The following AASDH variants were observed in gnomAD, a reference collection of about 807,000 sequenced individuals.
AASDH encodes the protein beta-alanine-activating enzyme.
A neutral mutation model predicts 102.3 loss-of-function variants in AASDH; 81 were observed. The observed-to-expected ratio is 0.79, with a 90% confidence interval of 0.66 to 0.95. AASDH has a LOEUF of 0.95. Ranked by LOEUF, AASDH falls within the 40% of genes least tolerant of loss-of-function variation. The pLI is 0.00. For synonymous variants in AASDH, 398 were observed against 454.0 expected, an observed-to-expected ratio of 0.88 and a Z score of 1.57; for missense variants, 1,203 against 1,266.2, an observed-to-expected ratio of 0.95 and a Z score of 0.76.
chr4:56,362,752 G>A (rs1473582928), intron 5 of AASDH, among the ~76,000 whole-genome samples: 1 of 152,114 alleles, frequency 6.6e-6, no homozygotes, highest in Non-Finnish European at 1.5e-5. Context: ...ATGAACCCTG[G>A]GGGTGGAGCC....
intron 2 of AASDH, among the ~76,000 whole-genome samples, chr4:56,383,442 T>C (rs1215379597): frequency 1.3e-5 from 2 of 152,166 alleles, no homozygotes; most frequent in Non-Finnish European, 2.9e-5. Context: ...GAACATCTTT[T>C]GCTTTATATT....
At chr4:56,366,620 C>T (rs1256437737) in intron 5 of AASDH, among the ~76,000 whole-genome samples, 2 of 151,780 alleles carry the variant, frequency 1.3e-5, no homozygotes, top group African/African-American at 4.8e-5. Context: ...AGACAAAAAC[C>T]ACATGATTAT....
At chr4:56,353,334 T>C in intron 9 of AASDH, 70 bp downstream of exon 9, 1 of 1,242,092 alleles carries the variant, frequency 8.1e-7, no homozygotes, top group Non-Finnish European at 1.1e-6. Context: ...ATTTATGTTA[T>C]CATTAAGCTA....
At chr4:56,387,182 TAC>T (rs2110025452) in intron 1 of AASDH, among the ~76,000 whole-genome samples, 178 bp downstream of exon 1, 1 of 152,256 alleles carries the variant, frequency 6.6e-6, no homozygotes, top group African/African-American at 2.4e-5. Flanking sequence ...CGCAGGAGTG[TAC>T]ACACAGGTCA....
chr4:56,356,870 T>A (rs890839502), intron 5 of AASDH: 3 of 964,406 alleles, frequency 3.1e-6, no homozygotes, highest in South Asian at 1.3e-5. Flanking sequence ...CCCAAGTCTG[T>A]GGCTCGCATC....
In AASDH at chr4:56,378,322, T is replaced by G. The variant is rs1161548414; in HGVS notation, c.494A>C (p.Glu165Ala). The change falls in exon 4 of 15, where the codon GAA (glutamate) becomes GCA (alanine). Residue 165 changes from glutamate (E) to alanine (A), a missense_variant. Glu to Ala is a moderately radical substitution (Grantham distance 107). Transcript: ENST00000205214. ...CTCAGAACTTATGCTTTTTATTTTT[T>G]CTTTTTCATATTTCTCTTTTCCATC... is the stretch of plus-strand genomic sequence containing the variant. ...LNDGKEKYEK[E>A]KIKSISSEHV... The G allele has an allele frequency of 6.2e-7, 1 of 1,614,184 alleles. No homozygotes were observed. The highest frequency in any genetic ancestry group is 1.6e-4 in the Middle Eastern group (1 of 6,062).
chr4:56,378,492 A>G (rs1752609581), intron 3 of AASDH, 28 bp from the exon 4 acceptor site: 6 of 1,493,086 alleles, frequency 4.0e-6, no homozygotes, highest in African/African-American at 1.4e-5. Flanking sequence ...CAAAGTTTAC[A>G]GTATTAGTAT....
intron 9 of AASDH, among the ~76,000 whole-genome samples, chr4:56,352,634 G>T (rs1360307657): frequency 6.6e-6 from 1 of 152,168 alleles, no homozygotes; most frequent in Non-Finnish European, 1.5e-5. Context: ...AACCTCAAGT[G>T]ATCCACCTGC....
At chr4:56,358,348 T>C (rs1030831818) in intron 5 of AASDH, among the ~76,000 whole-genome samples, 8 of 151,440 alleles carry the variant, frequency 5.3e-5, no homozygotes, top group Admixed American at 3.3e-4. Flanking sequence ...GTTTTTTTCC[T>C]TCTTACCTTA....
At chr4:56,347,040 TAAAA>T in intron 11 of AASDH, among the ~76,000 whole-genome samples, 2 of 133,630 alleles carry the variant, frequency 1.5e-5, no homozygotes, top group Middle Eastern at 7.5e-3. Flanking sequence ...GACGCTGTCT[TAAAA>T]AAAAAAAAAA....
In AASDH at chr4:56,374,367, C is replaced by CAAAAAAAAAAAA. The variant is rs752531940; in HGVS notation, c.669-2725_669-2724insTTTTTTTTTTTT. The stretch of plus-strand genomic sequence containing the variant: ...TGGGTGACAGAGTGAGACTCTGTCT[C>CAAAAAAAAAAAA]AGAAAAAAAAAAAAAAAAAAAAAGG... On this transcript the variant is annotated intron_variant, in intron 4 of 14. Coordinates refer to ENST00000205214, the MANE Select transcript of AASDH (RefSeq NM_181806.4). 1.8e-5 allele frequency among the ~76,000 whole-genome samples: 2 copies of CAAAAAAAAAAAA among 110,220 alleles called. 1 individual carries two copies. Among genetic ancestry groups the CAAAAAAAAAAAA allele is most frequent in the African/African-American group, 6.7e-5 (2 of 30,016 alleles). The allele number at this position is 110,220 out of a possible 152,430, so 72.3% of individuals were successfully genotyped here.
intron 4 of AASDH, among the ~76,000 whole-genome samples, chr4:56,374,284 C>T (rs1200014358): frequency 6.9e-6 from 1 of 144,252 alleles, no homozygotes; most frequent in African/African-American, 2.6e-5. Context: ...AGAAGAATAG[C>T]TTGAACCTGG....
chr4:56,385,404 G>A (rs1753432927), intron 1 of AASDH, among the ~76,000 whole-genome samples: 1 of 152,086 alleles, frequency 6.6e-6, no homozygotes. Flanking sequence ...GTATATCAAT[G>A]CAATGTTCTC....
intron 2 of AASDH, among the ~76,000 whole-genome samples, chr4:56,383,081 C>G (rs1578087168): frequency 6.6e-6 from 1 of 152,150 alleles, no homozygotes; most frequent in East Asian, 1.9e-4. Context: ...TACATAAACA[C>G]TGTCATTTTA....
chr4:56,378,184 G>C lies in AASDH; in HGVS notation c.632C>G (p.Pro211Arg). 2 of 1,612,884 alleles carry C rather than the reference G, an allele frequency of 1.2e-6. No homozygotes were observed. Among genetic ancestry groups the C allele is most frequent in the Middle Eastern group, 1.7e-4 (1 of 6,050 alleles). The change falls in exon 4 of 15, where the codon CCT becomes CGT. Residue 211 changes from proline to arginine, a missense_variant. Coordinates refer to ENST00000205214, the MANE Select transcript of AASDH (RefSeq NM_181806.4). ...TTGIPKIVRV[P>R]HKCIVPNIQH... The stretch of plus-strand genomic sequence containing the variant: ...GATATTTGGTACTATACACTTATGA[G>C]GCACTCTGACAATCTTCGGTATCCC...
At chr4:56,340,145 G>C (rs1747488320) in intron 14 of AASDH, among the ~76,000 whole-genome samples, 1 of 151,962 alleles carries the variant, frequency 6.6e-6, no homozygotes, top group Non-Finnish European at 1.5e-5. Flanking sequence ...CTCCAGCCTG[G>C]GCAACAGAAC....
chr4:56,374,367 CAGA>C (rs1200738366), intron 4 of AASDH, among the ~76,000 whole-genome samples: 2 of 110,220 alleles, frequency 1.8e-5, no homozygotes, highest in Non-Finnish European at 3.8e-5. Flanking sequence ...GACTCTGTCT[CAGA>C]AAAAAAAAAA....
chr4:56,381,543 C>A lies in AASDH; in HGVS notation c.351+934G>T, dbSNP rs184354297. ...CAGTGAGCTGAGATCGCACCACTGC[C>A]CATTGCACTTCAGCCTGGGTAACAG... On this transcript the variant is annotated intron_variant, in intron 3 of 14. Transcript: ENST00000205214. Among the ~76,000 whole-genome samples, 186 of 151,450 alleles carry A rather than the reference C, an allele frequency of 1.2e-3. 1 individual carries two copies. Among genetic ancestry groups the A allele is most frequent in the Non-Finnish European group, 2.0e-3 (135 of 67,878 alleles).
rs1375632568 is a variant in AASDH at position 56,338,408 on chromosome 4, T to TTGA, written c.3288_3290dup (p.Asn1096_Gln1097insHis). 1.9e-6 allele frequency: 3 copies of TTGA among 1,613,258 alleles called. No homozygotes were observed. The highest frequency in any genetic ancestry group is 1.1e-5 in the South Asian group (1 of 90,714). ...AAATAAGGACTGTATTTGATTATTT[T>TTGA]TGATTGCCACCCAATAAATCCAGAC... On this transcript the variant is annotated inframe_insertion, in exon 15 of 15. Coordinates refer to ENST00000205214, the MANE Select transcript of AASDH (RefSeq NM_181806.4).
Sources: gnomAD v4.1 joint callset for allele counts (sites outside exome capture counted in the v4.1 genomes callset) on GRCh38, gnomAD v4.1.1 for gene constraint, MANE v1.5 for transcripts, NCBI Gene and HGNC (gene_info 2026-07-23, HGNC 2026-07-21) for gene names.